The following MPP7 variants were observed in gnomAD, a reference collection of about 807,000 sequenced individuals.
The protein encoded by MPP7 is MAGUK p55 subfamily member 7.
In MPP7, 60 loss-of-function variants were observed where a neutral mutation model predicts 76.5. The observed-to-expected ratio is 0.78, with a 90% CI of 0.64 to 0.97. The LOEUF is 0.97. Among genes scored for constraint, MPP7 ranks in the 50% least tolerant of loss-of-function variants. The pLI is 0.00. For synonymous variants in MPP7, 237 were observed against 244.5 expected (o/e 0.97, Z 0.29); for missense variants, 641 against 694.0 (o/e 0.92, Z 0.86).
upstream of MPP7, among the ~76,000 whole-genome samples, chr10:28,306,961 G>T (rs1841261999): frequency 6.6e-6 from 1 of 152,098 alleles, no homozygotes; most frequent in Admixed American, 6.5e-5. Flanking sequence ...GAGAAATGAT[G>T]TTCCAGAGCT....
At chr10:28,162,765 G>C (rs970095264) in intron 3 of MPP7, among the ~76,000 whole-genome samples, 6 of 152,162 alleles carry the variant, frequency 3.9e-5, no homozygotes, top group African/African-American at 1.4e-4. Context: ...TCAGACAAAA[G>C]TGATGGGAGG....
chr10:28,113,930 C>T (rs755908377), intron 11 of MPP7, among the ~76,000 whole-genome samples: 30 of 152,192 alleles, frequency 2.0e-4, no homozygotes, highest in Non-Finnish European at 3.7e-4. Flanking sequence ...AGCATGACCT[C>T]CCATGGCCCG....
chr10:28,274,618 C>T (rs1271370587), intron 1 of MPP7, among the ~76,000 whole-genome samples: 1 of 152,126 alleles, frequency 6.6e-6, no homozygotes, highest in Non-Finnish European at 1.5e-5. Context: ...ATTTATAGGG[C>T]AATCATATCC....
chr10:28,119,566 C>CATAG lies in MPP7; in HGVS notation c.952+84_952+85insCTAT, dbSNP rs1834764226. On this transcript the variant is annotated intron_variant, in intron 11 of 16. Transcript: ENST00000683449. ...AAGTTATTGCTAGGGTAATAGGACC[C>CATAG]TTTGTTCTGCCATGAGCACCTGCTT... 3 of 1,079,492 alleles carry CATAG rather than the reference C, an allele frequency of 2.8e-6. No individual in the cohort carries two copies. In the Admixed American group the frequency reaches 5.5e-5, roughly 20 times the overall value. 66.9% of individuals were successfully genotyped at this position (1,079,492 alleles called of 1,614,324 possible).
chr10:28,279,858 C>T (rs867771570), intron 1 of MPP7, among the ~76,000 whole-genome samples: 3 of 151,972 alleles, frequency 2.0e-5, no homozygotes, highest in Non-Finnish European at 2.9e-5. Flanking sequence ...ATGTTCCCAC[C>T]ATCAAACACA....
chr10:28,101,877 A>G (rs1397372076), intron 11 of MPP7, among the ~76,000 whole-genome samples: 1 of 152,134 alleles, frequency 6.6e-6, no homozygotes, highest in African/African-American at 2.4e-5. Flanking sequence ...GGAAGCAAAC[A>G]TACTGTTCTG....
At chr10:28,205,615 A>G (rs973420311) in intron 2 of MPP7, among the ~76,000 whole-genome samples, 3 of 152,162 alleles carry the variant, frequency 2.0e-5, no homozygotes, top group Admixed American at 2.0e-4. Flanking sequence ...AAAATCAGTC[A>G]CAGCTCCTGT....
chr10:28,055,915 C>A (rs1851535334), intron 16 of MPP7, among the ~76,000 whole-genome samples: 1 of 152,120 alleles, frequency 6.6e-6, no homozygotes, highest in Non-Finnish European at 1.5e-5. Context: ...TTCACCAAAG[C>A]ACAAGAAGTG....
intron 2 of MPP7, among the ~76,000 whole-genome samples, chr10:28,219,093 A>T (rs978262769): frequency 6.6e-6 from 1 of 152,232 alleles, no homozygotes; most frequent in African/African-American, 2.4e-5. Context: ...CAAACTATAA[A>T]GAGAATTTCG....
At chr10:28,312,317 T>C (rs1279304850) in intron 2 of MPP7, among the ~76,000 whole-genome samples, 1 of 152,144 alleles carries the variant, frequency 6.6e-6, no homozygotes, top group East Asian at 1.9e-4. Context: ...GATTGGTGCA[T>C]TTTACAGAGT....
chr10:28,118,336 T>C lies in MPP7; in HGVS notation c.952+1315A>G, dbSNP rs1241147666. The C allele has an allele frequency of 8.2e-6, 8 of 976,254 alleles. No homozygotes were observed. In the African/African-American group the frequency reaches 8.8e-5, roughly 11 times the overall value. 60.5% of individuals were successfully genotyped at this position (976,254 alleles called of 1,614,324 possible). A position where few individuals can be genotyped will look rare whatever the true frequency, so the allele number is the denominator to read the frequency against. Reference sequence around the variant, plus strand: ...AAAATTTTCAATCAATGAAAATTTATAATAATATCAAACTGTACATTTCTA... The same window carrying C: ...AAAATTTTCAATCAATGAAAATTTACAATAATATCAAACTGTACATTTCTA... On this transcript the variant is annotated intron_variant, in intron 11 of 16. Coordinates refer to ENST00000683449, the MANE Select transcript of MPP7 (RefSeq NM_001318170.2).
intron 1 of MPP7, among the ~76,000 whole-genome samples, chr10:28,240,438 G>C (rs1275529247): frequency 6.6e-6 from 1 of 152,004 alleles, no homozygotes; most frequent in East Asian, 1.9e-4. Context: ...CCATCAAATG[G>C]ATTATTTTAG....
intron 3 of MPP7, among the ~76,000 whole-genome samples, chr10:28,172,287 T>G (rs1836709133): frequency 6.6e-6 from 1 of 152,256 alleles, no homozygotes; most frequent in Admixed American, 6.5e-5. Context: ...GTAAAATACG[T>G]GATTTAGAAA....
chr10:28,329,307 A>G (rs1233900175), intron 2 of MPP7, among the ~76,000 whole-genome samples: 2 of 152,024 alleles, frequency 1.3e-5, no homozygotes, highest in African/African-American at 4.8e-5. Context: ...TTCATTTTCT[A>G]TTGTGAGCTT....
At chr10:28,325,743 T>A (rs1201121207) in intron 2 of MPP7, among the ~76,000 whole-genome samples, 1 of 151,762 alleles carries the variant, frequency 6.6e-6, no homozygotes, top group Non-Finnish European at 1.5e-5. Context: ...ATCCACCTGA[T>A]TCAGCCTCCC....
chr10:28,268,806 C>G (rs1840228596), intron 1 of MPP7, among the ~76,000 whole-genome samples: 1 of 151,188 alleles, frequency 6.6e-6, no homozygotes. Flanking sequence ...GTAGTACCAG[C>G]TACTCGGGAG....
At chr10:28,334,950 C>T (rs1288660741), upstream of MPP7, among the ~76,000 whole-genome samples, 1 of 152,182 alleles carries the variant, frequency 6.6e-6, no homozygotes, top group Admixed American at 6.5e-5. Context: ...TTGTGTGGGT[C>T]AGAAATGAGG....
chr10:28,067,007 CT>C (rs1474841497), intron 13 of MPP7, among the ~76,000 whole-genome samples: 5 of 152,140 alleles, frequency 3.3e-5, no homozygotes, highest in African/African-American at 1.2e-4. Context: ...CTAAGAATAG[CT>C]CAGTACGTGT....
intron 6 of MPP7, among the ~76,000 whole-genome samples, chr10:28,128,254 C>T (rs983510382): frequency 1.1e-4 from 16 of 152,152 alleles, no homozygotes; most frequent in African/African-American, 3.9e-4. Flanking sequence ...GTCTGAAATG[C>T]TTAGACCAGA....
Sources: gnomAD v4.1 joint callset for allele counts (sites outside exome capture counted in the v4.1 genomes callset) on GRCh38, gnomAD v4.1.1 for gene constraint, MANE v1.5 for transcripts, NCBI Gene and HGNC (gene_info 2026-07-23, HGNC 2026-07-21) for gene names.